Variants in POLH observed in about 807,000 individuals in gnomAD.
POLH encodes DNA polymerase eta transcript.
In POLH, 53 loss-of-function variants were observed where a neutral mutation model predicts 73.6. That is an observed-to-expected ratio of 0.72 (90% CI 0.58 to 0.91). The LOEUF is 0.91. Among genes scored for constraint, POLH ranks in the 40% least tolerant of loss-of-function variants. The pLI, the probability that POLH is intolerant of heterozygous loss-of-function variation, is 0.00. For missense variants in POLH, 768 were observed against 865.4 expected (o/e 0.89, Z 1.41); for synonymous variants, 292 against 308.5 (o/e 0.95, Z 0.56).
rs545411542 is a variant in POLH at position 43,616,502 on chromosome 6, T to C, written c.*1945T>C. 7.3e-5 allele frequency among the ~76,000 whole-genome samples: 11 copies of C among 151,094 alleles called. No individual in the cohort carries two copies. The highest frequency in any genetic ancestry group is 2.4e-4 in the African/African-American group (10 of 40,988). ...TACTCGGGAGACTGAGGCAGGAGAA[T>C]TGCTTGAACCTGGAAGGTGGAGGTT... On this transcript the variant is annotated 3_prime_UTR_variant, in exon 11 of 11. Transcript: ENST00000372236.
In POLH at chr6:43,598,320, G is replaced by T. The variant is rs147462306; in HGVS notation, c.660+455G>T. 2.6e-5 allele frequency among the ~76,000 whole-genome samples: 4 copies of T among 151,672 alleles called. No homozygotes were observed. In the East Asian group the frequency reaches 5.8e-4, roughly 22 times the overall value. ...TAACATGGAAATGGACATTAAATATGTACTTTCCTAAGAAGCAAGCTGAAG... is the reference window on the plus strand; with the variant it reads ...TAACATGGAAATGGACATTAAATATTTACTTTCCTAAGAAGCAAGCTGAAG... On this transcript the variant is annotated intron_variant, in intron 5 of 10. Coordinates refer to ENST00000372236, the MANE Select transcript of POLH (RefSeq NM_006502.3).
At chr6:43,609,999 G>T (rs1401165419) in intron 9 of POLH, among the ~76,000 whole-genome samples, 2 of 150,436 alleles carry the variant, frequency 1.3e-5, no homozygotes, top group East Asian at 1.9e-4. Flanking sequence ...CTTTTTTGTG[G>T]AACCATGTAA....
At chr6:43,599,052 A>T (rs1766434851) in intron 5 of POLH, among the ~76,000 whole-genome samples, 1 of 137,020 alleles carries the variant, frequency 7.3e-6, no homozygotes, top group Admixed American at 8.4e-5. Context: ...TCAGTGGCCC[A>T]ATCTCAGCTC....
intron 9 of POLH, among the ~76,000 whole-genome samples, chr6:43,608,776 A>C (rs1438091427): frequency 6.6e-6 from 1 of 152,228 alleles, no homozygotes; most frequent in Non-Finnish European, 1.5e-5. Context: ...AAAATAATTC[A>C]GGACATAGCA....
At chr6:43,602,956 C>G (rs1355495193) in intron 6 of POLH, among the ~76,000 whole-genome samples, 1 of 149,136 alleles carries the variant, frequency 6.7e-6, no homozygotes, top group Non-Finnish European at 1.5e-5. Context: ...GCATGAACCA[C>G]TGTGCCCAGC....
intron 1 of POLH, among the ~76,000 whole-genome samples, chr6:43,580,764 G>A (rs1329904236): frequency 4.7e-4 from 63 of 133,452 alleles, no homozygotes; most frequent in African/African-American, 1.8e-3. Context: ...CGGGCGGGGG[G>A]CCGACCCCCC....
In POLH at chr6:43,599,584, C is replaced by T. The variant is rs190049666; in HGVS notation, c.661-1404C>T. Among the ~76,000 whole-genome samples, 487 of 151,454 alleles carry T rather than the reference C, an allele frequency of 3.2e-3. 5 individuals carry two copies. In the Middle Eastern group the frequency reaches 0.037, roughly 12 times the overall value. Reference sequence around the variant, plus strand: ...TTTTCCCTGGTTGATACCTTCTCCGCCTCCCTTCAATACAAGGAAAGTTGC... The same window carrying T: ...TTTTCCCTGGTTGATACCTTCTCCGTCTCCCTTCAATACAAGGAAAGTTGC... On this transcript the variant is annotated intron_variant, in intron 5 of 10. Coordinates refer to ENST00000372236, the MANE Select transcript of POLH (RefSeq NM_006502.3).
At chr6:43,596,144 C>T (rs1582294340) in intron 4 of POLH, among the ~76,000 whole-genome samples, 1 of 152,086 alleles carries the variant, frequency 6.6e-6, no homozygotes, top group East Asian at 1.9e-4. Context: ...GCCATAAGCC[C>T]TAAAGTATAG....
chr6:43,579,649 CAGTT>C (rs1172388245), intron 1 of POLH, among the ~76,000 whole-genome samples: 1 of 152,184 alleles, frequency 6.6e-6, no homozygotes, highest in Non-Finnish European at 1.5e-5. Context: ...TATATCCAGT[CAGTT>C]AGAAGCACAG....
chr6:43,604,178 T>C (rs908299240), intron 7 of POLH, among the ~76,000 whole-genome samples, 167 bp downstream of exon 7: 2 of 152,236 alleles, frequency 1.3e-5, no homozygotes, highest in African/African-American at 4.8e-5. Flanking sequence ...CTATGGCCCA[T>C]CAGTCTAGAG....
Position 43,601,092 on chromosome 6 carries a change from G to GT in POLH, c.764+2dup, listed in dbSNP as rs1400692798. The GT allele has an allele frequency of 4.4e-6, 7 of 1,591,314 alleles. No homozygotes were observed. The highest frequency in any genetic ancestry group is 3.3e-5 in the Admixed American group (2 of 59,962). On this transcript the variant is annotated splice_donor_variant, in intron 6 of 10. Coordinates refer to ENST00000372236, the MANE Select transcript of POLH (RefSeq NM_006502.3). LOFTEE classifies it high-confidence loss of function. ...TCAGCCAAATGCCCATTCGCAAAAT[G>GT]TAAGTATTCAGGCAGCATGTTAAAT...
intron 6 of POLH, among the ~76,000 whole-genome samples, chr6:43,602,680 T>C (rs1196876627): frequency 2.0e-5 from 3 of 152,162 alleles, no homozygotes; most frequent in Non-Finnish European, 4.4e-5. Context: ...TTGACTTTTT[T>C]TTTTTTGAGA....
intron 4 of POLH, among the ~76,000 whole-genome samples, chr6:43,595,445 T>G (rs115108590): frequency 0.015 from 2,297 of 151,500 alleles, 24 homozygotes; most frequent in Non-Finnish European, 0.024. Flanking sequence ...CAAAAGATAG[T>G]TTTTAAAAAT....
Position 43,616,586 on chromosome 6 carries a change from C to CAAAA in POLH, c.*2040_*2043dup, listed in dbSNP as rs368089629. Among the ~76,000 whole-genome samples the CAAAA allele has an allele frequency of 1.7e-5, 2 of 118,494 alleles. No individual in the cohort carries two copies. Among genetic ancestry groups the CAAAA allele is most frequent in the African/African-American group, 2.8e-5 (1 of 35,170 alleles). 77.7% of individuals were successfully genotyped at this position (118,494 alleles called of 152,430 possible). A position where few individuals can be genotyped will look rare whatever the true frequency, so the allele number is the denominator to read the frequency against. On this transcript the variant is annotated 3_prime_UTR_variant, in exon 11 of 11. Transcript: ENST00000372236. ...CCAGGGTGAGAGTGAGAGACTGTCT[C>CAAAA]AAAAAAAAAAAAAACAAAAGAAAAA...
intron 10 of POLH, among the ~76,000 whole-genome samples, chr6:43,612,829 T>C (rs1386341419): frequency 1.5e-5 from 2 of 134,786 alleles, no homozygotes; most frequent in African/African-American, 5.7e-5. Context: ...TGAGAGGGAG[T>C]CTGGCTCTGT....
chr6:43,610,328 G>C (rs1458140713), intron 9 of POLH, among the ~76,000 whole-genome samples: 2 of 151,910 alleles, frequency 1.3e-5, no homozygotes, highest in Admixed American at 1.3e-4. Flanking sequence ...GCCTCCCAAG[G>C]TGCTGGGATT....
intron 7 of POLH, 91 bp from the exon 8 acceptor site, chr6:43,604,524 A>G: frequency 7.2e-7 from 1 of 1,395,206 alleles, no homozygotes; most frequent in South Asian, 1.2e-5. Flanking sequence ...CATGAAAAAG[A>G]TAAAAGGGCA....
chr6:43,576,709 G>C (rs1377016918), intron 1 of POLH, among the ~76,000 whole-genome samples: 1 of 152,152 alleles, frequency 6.6e-6, no homozygotes, highest in East Asian at 1.9e-4. Context: ...TGCGGATTGG[G>C]GTAACTCGAG....
At chr6:43,596,533 C>T (rs1305188632) in intron 4 of POLH, among the ~76,000 whole-genome samples, 1 of 151,810 alleles carries the variant, frequency 6.6e-6, no homozygotes, top group African/African-American at 2.4e-5. Flanking sequence ...TGGTGGGTTG[C>T]AGTGGATATG....
Sources: allele counts gnomAD v4.1 joint callset (sites outside exome capture counted in the v4.1 genomes callset), GRCh38; gene constraint gnomAD v4.1.1; transcripts MANE v1.5; gene names NCBI Gene and HGNC (gene_info 2026-07-23, HGNC 2026-07-21).